Variants in PCDHGA5 observed in about 807,000 individuals in gnomAD.
PCDHGA5 encodes the protein protocadherin gamma subfamily A, 5, also known as protocadherin gamma-A5.
In PCDHGA5, 36 loss-of-function variants were observed where a neutral mutation model predicts 56.7. That is an observed-to-expected ratio of 0.64 (90% CI 0.49 to 0.84). PCDHGA5 has a LOEUF of 0.84. PCDHGA5 is among the 40% of genes least tolerant of loss of function. The pLI is 0.00. For synonymous variants in PCDHGA5, 563 were observed against 520.2 expected, an observed-to-expected ratio of 1.08 and a Z score of -1.12; for missense variants, 1,305 against 1,201.5, an observed-to-expected ratio of 1.09 and a Z score of -1.27.
At chr5:141,426,022 T>A (rs1174153557) in intron 1 of PCDHGA5, among the ~76,000 whole-genome samples, 3 of 152,204 alleles carry the variant, frequency 2.0e-5, no homozygotes, top group Admixed American at 2.0e-4. Flanking sequence ...GTTTTCTAAA[T>A]AGACTCAGAG....
At chr5:141,410,295 T>A (rs1043971768) in intron 1 of PCDHGA5, 1 of 1,613,982 alleles carries the variant, frequency 6.2e-7, no homozygotes, top group Admixed American at 1.7e-5. Flanking sequence ...GCCTTGGCCT[T>A]AATCTCAGTG....
At chr5:141,417,900 G>T (rs563876979) in intron 1 of PCDHGA5, 1 of 1,583,452 alleles carries the variant, frequency 6.3e-7, no homozygotes, top group African/African-American at 1.3e-5. Flanking sequence ...GCCGGCCCGC[G>T]GCAGGTACTA....
At chr5:141,372,259 G>T (rs1229622208) in intron 1 of PCDHGA5, 2 of 1,613,108 alleles carry the variant, frequency 1.2e-6, no homozygotes, top group East Asian at 2.2e-5. Flanking sequence ...CTGGGCCTGC[G>T]CACGGGTGAG....
intron 3 of PCDHGA5, chr5:141,508,010 CAAG>C (rs2099865550): frequency 6.6e-6 from 1 of 152,308 alleles, no homozygotes; most frequent in Non-Finnish European, 1.5e-5. Context: ...GGGATGCTCT[CAAG>C]GAGGCTGCGG....
At chr5:141,379,014 T>C (rs1440666109) in intron 1 of PCDHGA5, 2 of 152,222 alleles carry the variant, frequency 1.3e-5, no homozygotes, top group South Asian at 4.1e-4. Context: ...TCTCCAGTCA[T>C]GAGTTGGAAG....
chr5:141,422,746 T>G (rs763386007), intron 1 of PCDHGA5: 1 of 1,611,014 alleles, frequency 6.2e-7, no homozygotes, highest in Non-Finnish European at 8.5e-7. Context: ...CTCCTATGTC[T>G]CTATTAACTC....
chr5:141,478,073 G>A (rs756198123), intron 1 of PCDHGA5: 1 of 1,614,098 alleles, frequency 6.2e-7, no homozygotes, highest in Admixed American at 1.7e-5. Context: ...AGACAATGGG[G>A]AGCCTTCGCT....
intron 3 of PCDHGA5, among the ~76,000 whole-genome samples, chr5:141,510,533 C>A (rs1366903068): frequency 6.6e-6 from 1 of 152,118 alleles, no homozygotes; most frequent in Non-Finnish European, 1.5e-5. Flanking sequence ...GAGAGAAATA[C>A]CAGCGAATGT....
At chr5:141,492,509 C>T (rs1276866000) in intron 1 of PCDHGA5, among the ~76,000 whole-genome samples, 1 of 152,216 alleles carries the variant, frequency 6.6e-6, no homozygotes, top group African/African-American at 2.4e-5. Context: ...CCGGAGCCTC[C>T]TCTCACCTCT....
chr5:141,442,675 G>A (rs1381554808), intron 1 of PCDHGA5, among the ~76,000 whole-genome samples: 1 of 152,248 alleles, frequency 6.6e-6, no homozygotes, highest in Admixed American at 6.5e-5. Context: ...GTGAGCTTGA[G>A]GGACAGTAGT....
At chr5:141,404,022 G>C (rs2094476462) in intron 1 of PCDHGA5, 1 of 1,613,754 alleles carries the variant, frequency 6.2e-7, no homozygotes, top group Admixed American at 1.7e-5. Context: ...AGCCCAGTGA[G>C]AGAAGACGCA....
intron 1 of PCDHGA5, chr5:141,388,934 A>G (rs1225337103): frequency 1.9e-6 from 3 of 1,613,896 alleles, no homozygotes; most frequent in Non-Finnish European, 2.5e-6. Context: ...TCCAGTCTCT[A>G]CCCAACCTAA....
chr5:141,365,440 C>G lies in PCDHGA5; in HGVS notation c.1110C>G (p.Ser370Arg). 1 of 1,613,954 alleles carries G rather than the reference C, an allele frequency of 6.2e-7. No individual in the cohort carries two copies. Among genetic ancestry groups the G allele is most frequent in the Non-Finnish European group, 8.5e-7 (1 of 1,179,894 alleles). ...CCGGAACTGTAATCGCGCTGTTTAG[C>G]GTACATGATGGTGATTCTGGAGAAA... ...CLPGTVIALF[S>R]VHDGDSGENG... Residue 370 changes from serine to arginine, a missense_variant, in exon 1 of 4, where the codon AGC becomes AGG. By Grantham distance (110) the Ser-to-Arg change is moderately radical. Coordinates refer to ENST00000518069, the MANE Select transcript of PCDHGA5 (RefSeq NM_018918.3).
At chr5:141,395,498 C>T (rs1055094075) in intron 1 of PCDHGA5, 1 of 484,580 alleles carries the variant, frequency 2.1e-6, no homozygotes, top group Non-Finnish European at 3.6e-6. Context: ...CACTCATTCA[C>T]TTAAGAAGTA....
At chr5:141,394,268 C>A in intron 1 of PCDHGA5, 3 of 1,613,946 alleles carry the variant, frequency 1.9e-6, no homozygotes, top group Non-Finnish European at 2.5e-6. Flanking sequence ...AGGAGAATGC[C>A]CAGGTCACTT....
At chr5:141,409,708 G>C (rs2095304272) in intron 1 of PCDHGA5, 5 of 1,613,088 alleles carry the variant, frequency 3.1e-6, no homozygotes, top group Non-Finnish European at 1.7e-6. Context: ...TGGCGGTGTC[G>C]TCATACGTGT....
rs111458813 is a variant in PCDHGA5 at position 141,483,648 on chromosome 5, TTG to T, written c.2422-11139_2422-11138del. Among the ~76,000 whole-genome samples, 82 of 149,502 alleles carry T rather than the reference TTG, an allele frequency of 5.5e-4. 1 individual carries two copies. The highest frequency in any genetic ancestry group is 2.5e-3 in the Admixed American group (37 of 14,990). Reference sequence around the variant, plus strand: ...GGAGAAGGTATAGAGGGGTGTGTGTTTGTGTGTGTGTGTGTGTGTGTAAAAGA... The same window carrying T: ...GGAGAAGGTATAGAGGGGTGTGTGTTTGTGTGTGTGTGTGTGTGTAAAAGA... On this transcript the variant is annotated intron_variant, in intron 1 of 3. Transcript: ENST00000518069.
At chr5:141,410,132 G>T (rs1278988827) in intron 1 of PCDHGA5, 1 of 1,612,754 alleles carries the variant, frequency 6.2e-7, no homozygotes, top group Non-Finnish European at 8.5e-7. Flanking sequence ...GCGCCTGCTG[G>T]TCGCTGTGCG....
At chr5:141,420,027 C>T in intron 1 of PCDHGA5, 3 of 1,614,082 alleles carry the variant, frequency 1.9e-6, no homozygotes, top group Non-Finnish European at 2.5e-6. Flanking sequence ...AGCCCTACTG[C>T]AGGAGACTGC....
Sources: gnomAD v4.1 joint callset for allele counts (sites outside exome capture counted in the v4.1 genomes callset) on GRCh38, gnomAD v4.1.1 for gene constraint, MANE v1.5 for transcripts, NCBI Gene and HGNC (gene_info 2026-07-23, HGNC 2026-07-21) for gene names.